ANKS4B: variants seen among roughly 807,000 people sequenced by gnomAD.
The protein encoded by ANKS4B is ankyrin repeat and SAM domain-containing protein 4B.
A neutral mutation model predicts 20.2 loss-of-function variants in ANKS4B; 21 were observed. The observed-to-expected ratio is 1.04, with a 90% CI of 0.74 to 1.50. The LOEUF is 1.50. Ranked by LOEUF, ANKS4B falls within the 40% of genes most tolerant of loss-of-function variation. The pLI is 0.00. For synonymous variants in ANKS4B, 179 were observed against 194.5 expected (o/e 0.92, Z 0.66); for missense variants, 473 against 494.6 (o/e 0.96, Z 0.41).
rs2093341923 is a variant in ANKS4B, at chr16:21,253,428, G to T, written c.*2608G>T. On this transcript the variant is annotated 3_prime_UTR_variant, in exon 2 of 2. Transcript: ENST00000311620. Reference sequence around the variant, plus strand: ...TTATCTTGTGGAATAAACTGAAGTTGTGCTTTCCTTCATTAACGTGCACAG... The same window carrying T: ...TTATCTTGTGGAATAAACTGAAGTTTTGCTTTCCTTCATTAACGTGCACAG... The T allele has an allele frequency of 6.6e-6, 1 of 152,186 alleles. No individual in the cohort carries two copies. The highest frequency in any genetic ancestry group is 1.5e-5 in the Non-Finnish European group (1 of 68,042). 9.4% of individuals were successfully genotyped at this position (152,186 alleles called of 1,614,324 possible).
intron 1 of ANKS4B, among the ~76,000 whole-genome samples, chr16:21,248,501 G>A (rs926339580): frequency 3.3e-5 from 5 of 151,902 alleles, no homozygotes; most frequent in East Asian, 3.9e-4. Context: ...AGGCTGAGGC[G>A]GGTGGATCAC....
In ANKS4B at chr16:21,250,610, G is replaced by T; in HGVS notation, c.1044G>T (p.Leu348=). 6.2e-7 allele frequency: 1 copy of T among 1,614,092 alleles called. No homozygotes were observed. Among genetic ancestry groups the T allele is most frequent in the Non-Finnish European group, 8.5e-7 (1 of 1,180,000 alleles). The change falls in exon 2 of 2, where the codon CTG becomes CTT. Residue 348 remains leucine, a synonymous_variant. Transcript: ENST00000311620. The stretch of plus-strand genomic sequence containing the variant: ...AAGATGTGGTCGATGCCACGCCCCT[G>T]GAAGTGTTCTTGCTGTCTCAGCACC... ...WEEDVVDATP[L]EVFLLSQHLE...
Position 21,253,591 on chromosome 16 carries a change from C to G in ANKS4B, c.*2771C>G, listed in dbSNP as rs563126166. 3.3e-5 allele frequency: 5 copies of G among 152,278 alleles called. No homozygotes were observed. Among genetic ancestry groups the G allele is most frequent in the Admixed American group, 2.0e-4 (3 of 15,274 alleles). The allele number at this position is 152,278 out of a possible 1,614,324, so 9.4% of individuals were successfully genotyped here. On this transcript the variant is annotated 3_prime_UTR_variant, in exon 2 of 2. Coordinates refer to ENST00000311620, the MANE Select transcript of ANKS4B (RefSeq NM_145865.3). ...GCCTAATGAGATATTTGCTCCACCC[C>G]CTGCTGTAACTACATCATAGCAAGA... is the stretch of plus-strand genomic sequence containing the variant.
chr16:21,250,098 G>C lies in ANKS4B; in HGVS notation c.532G>C (p.Gly178Arg), dbSNP rs1405338767. Reference sequence around the variant, plus strand: ...ATCCGGGACTCTCTCTTCTTCCAAGGGTACCTTCTCCAGATCATCCCCTTC... The same window carrying C: ...ATCCGGGACTCTCTCTTCTTCCAAGCGTACCTTCTCCAGATCATCCCCTTC... ...EESGTLSSSK[G>R]TFSRSSPSNA... Residue 178 changes from glycine to arginine, a missense_variant, in exon 2 of 2, where the codon GGT becomes CGT. Transcript: ENST00000311620. The C allele has an allele frequency of 6.2e-7, 1 of 1,614,110 alleles. No individual in the cohort carries two copies. The highest frequency in any genetic ancestry group is 2.2e-5 in the East Asian group (1 of 44,878).
intron 1 of ANKS4B, among the ~76,000 whole-genome samples, chr16:21,244,754 G>A (rs949340357): frequency 6.6e-6 from 1 of 152,068 alleles, no homozygotes; most frequent in Non-Finnish European, 1.5e-5. Context: ...TTAAGATGCG[G>A]GTCTGTGCCA....
chr16:21,241,936 G>C (rs892586369), intron 1 of ANKS4B, among the ~76,000 whole-genome samples: 2 of 152,126 alleles, frequency 1.3e-5, no homozygotes, highest in Non-Finnish European at 2.9e-5. Context: ...GATGGCTCAT[G>C]CCTGTAATCC....
intron 1 of ANKS4B, among the ~76,000 whole-genome samples, chr16:21,246,483 A>G (rs2093332477): frequency 6.6e-6 from 1 of 152,198 alleles, no homozygotes; most frequent in Non-Finnish European, 1.5e-5. Flanking sequence ...GATATTTAAG[A>G]ATGTTAGTAC....
At chr16:21,234,320 A>G (rs939010647) in intron 1 of ANKS4B, among the ~76,000 whole-genome samples, 6 of 152,248 alleles carry the variant, frequency 3.9e-5, no homozygotes, top group African/African-American at 1.4e-4. Flanking sequence ...CTATGCCATC[A>G]AAATCTCACA....
intron 1 of ANKS4B, among the ~76,000 whole-genome samples, chr16:21,238,718 A>G (rs949157642): frequency 3.3e-5 from 5 of 152,242 alleles, no homozygotes; most frequent in African/African-American, 1.2e-4. Context: ...CTAAGTTGAC[A>G]TGGTAACATC....
Position 21,251,879 on chromosome 16 carries a change from T to G in ANKS4B, c.*1059T>G, listed in dbSNP as rs1480973073. 2.0e-5 allele frequency: 3 copies of G among 151,972 alleles called. No homozygotes were observed. Among genetic ancestry groups the G allele is most frequent in the South Asian group, 2.1e-4 (1 of 4,798 alleles). 9.4% of individuals were successfully genotyped at this position (151,972 alleles called of 1,614,324 possible). On this transcript the variant is annotated 3_prime_UTR_variant, in exon 2 of 2. Coordinates refer to ENST00000311620, the MANE Select transcript of ANKS4B (RefSeq NM_145865.3). ...CTTTAAAGAAGTGATTAAGGTTAAA[T>G]GAAGTCATAAGAATGCAACCCTAAT... is the stretch of plus-strand genomic sequence containing the variant.
intron 1 of ANKS4B, among the ~76,000 whole-genome samples, chr16:21,244,977 T>C (rs2093330655): frequency 6.6e-6 from 1 of 152,204 alleles, no homozygotes; most frequent in Admixed American, 6.5e-5. Flanking sequence ...CAAATAGGCC[T>C]TGTAATATCA....
intron 1 of ANKS4B, among the ~76,000 whole-genome samples, chr16:21,234,521 C>T (rs993900408): frequency 6.7e-6 from 1 of 149,324 alleles, no homozygotes; most frequent in African/African-American, 2.5e-5. Flanking sequence ...CACACACACA[C>T]CCCATCTCTT....
chr16:21,242,102 A>T (rs993660406), intron 1 of ANKS4B, among the ~76,000 whole-genome samples: 1 of 152,220 alleles, frequency 6.6e-6, no homozygotes, highest in Non-Finnish European at 1.5e-5. Flanking sequence ...TCTTGTACTT[A>T]TTCCTCCTGT....
At chr16:21,245,400 G>C (rs1441263331) in intron 1 of ANKS4B, among the ~76,000 whole-genome samples, 1 of 152,118 alleles carries the variant, frequency 6.6e-6, no homozygotes, top group African/African-American at 2.4e-5. Context: ...TTGCCCTCTG[G>C]GGCATATTAT....
intron 1 of ANKS4B, among the ~76,000 whole-genome samples, chr16:21,240,526 T>C (rs1231224463): frequency 2.0e-5 from 3 of 152,156 alleles, no homozygotes; most frequent in Non-Finnish European, 2.9e-5. Flanking sequence ...AAGAAATACA[T>C]ACTTATTGTA....
In ANKS4B at chr16:21,233,804, C is replaced by A. The variant is rs763113188; in HGVS notation, c.67C>A (p.Arg23=). 8.7e-6 allele frequency: 14 copies of A among 1,613,880 alleles called. No homozygotes were observed. Among genetic ancestry groups the A allele is most frequent in the Admixed American group, 3.3e-5 (2 of 59,988 alleles). ...YLELLKEATK[R]DLNLSDEDGM... The stretch of plus-strand genomic sequence containing the variant: ...GGAACTTCTAAAAGAGGCTACCAAG[C>A]GAGATCTAAATCTTTCGGATGAAGA... The change falls in exon 1 of 2, where the codon CGA becomes AGA. Residue 23 remains arginine, a synonymous_variant. Coordinates refer to ENST00000311620, the MANE Select transcript of ANKS4B (RefSeq NM_145865.3).
At chr16:21,238,031 C>T (rs756503129) in intron 1 of ANKS4B, among the ~76,000 whole-genome samples, 5 of 152,254 alleles carry the variant, frequency 3.3e-5, no homozygotes, top group Non-Finnish European at 5.9e-5. Context: ...TGTGGTGGTG[C>T]ACGCCTATAA....
At chr16:21,249,705 ATT>A (rs746792050) in intron 1 of ANKS4B, 24 bp from the exon 2 acceptor site, 2 of 1,551,932 alleles carry the variant, frequency 1.3e-6, no homozygotes, top group Non-Finnish European at 8.7e-7. Context: ...TCCAACATGT[ATT>A]TTTTTTCTCT....
chr16:21,250,036 A>G lies in ANKS4B; in HGVS notation c.470A>G (p.His157Arg). Residue 157 changes from histidine to arginine, a missense_variant, in exon 2 of 2, where the codon CAC becomes CGC. By Grantham distance (29) the His-to-Arg change is conservative. Transcript: ENST00000311620. The stretch of plus-strand genomic sequence containing the variant: ...GAGTGTGAGAGGCTCCAGGAGAAGC[A>G]CCAAAATAAGATGGCCCACACCTAC... ...IKECERLQEK[H>R]QNKMAHTYSK... 2 of 1,614,176 alleles carry G rather than the reference A, an allele frequency of 1.2e-6. No individual in the cohort carries two copies. Among genetic ancestry groups the G allele is most frequent in the African/African-American group, 2.7e-5 (2 of 75,042 alleles).
Sources: gnomAD v4.1 joint callset for allele counts (sites outside exome capture counted in the v4.1 genomes callset) on GRCh38, gnomAD v4.1.1 for gene constraint, MANE v1.5 for transcripts, NCBI Gene and HGNC (gene_info 2026-07-23, HGNC 2026-07-21) for gene names.